Variants in BIRC6 observed in about 807,000 individuals in gnomAD.
The protein encoded by BIRC6 is baculoviral IAP repeat containing 6, also known as dual E2 ubiquitin-conjugating enzyme/E3 ubiquitin-protein ligase BIRC6.
In BIRC6, 98 loss-of-function variants were observed where a neutral mutation model predicts 503.3. That is an observed-to-expected ratio of 0.19 (90% CI 0.17 to 0.23). The LOEUF is 0.23. Among genes scored for constraint, BIRC6 ranks in the 10% least tolerant of loss-of-function variants. The probability of loss-of-function intolerance (pLI) is 1.00; values close to 1 mark genes in which losing one functional copy is unlikely to be tolerated. For synonymous variants in BIRC6, 2,240 were observed against 2,078.7 expected (o/e 1.08, Z -2.11); for missense variants, 5,360 against 5,806.0 (o/e 0.92, Z 2.50).
Position 32,380,258 on chromosome 2 carries a change from C to T in BIRC6, c.613C>T (p.His205Tyr), listed in dbSNP as rs1191022397. 1 of 1,607,728 alleles carries T rather than the reference C, an allele frequency of 6.2e-7. No homozygotes were observed. Among genetic ancestry groups the T allele is most frequent in the Admixed American group, 1.7e-5 (1 of 58,016 alleles). The change falls in exon 3 of 74, where the codon CAT becomes TAT. Residue 205 changes from histidine to tyrosine, a missense_variant. Physicochemically the swap from His to Tyr is moderately conservative, Grantham distance 83 (BLOSUM62 2). Coordinates refer to ENST00000421745, the MANE Select transcript of BIRC6 (RefSeq NM_016252.4). ...CAAAGATGGTTTAAAAAATACATCT[C>T]ATGAGACTGCAGCAAACCACAAAGT... ...QLKDGLKNTS[H>Y]ETAANHKVAK...
chr2:32,609,614 T>G (rs1022332259), intron 72 of BIRC6, among the ~76,000 whole-genome samples: 5 of 152,186 alleles, frequency 3.3e-5, no homozygotes, highest in African/African-American at 1.2e-4. Context: ...GATGAATATT[T>G]CTTTTTCTTT....
chr2:32,493,995 A>AT lies in BIRC6; in HGVS notation c.8468+332dup, dbSNP rs1163161620. Among the ~76,000 whole-genome samples the AT allele has an allele frequency of 2.0e-5, 3 of 152,290 alleles. No homozygotes were observed. The East Asian group carries it at 5.8e-4, about 29-fold the overall frequency. On this transcript the variant is annotated intron_variant, in intron 45 of 73. Coordinates refer to ENST00000421745, the MANE Select transcript of BIRC6 (RefSeq NM_016252.4). The stretch of plus-strand genomic sequence containing the variant: ...TGTTTAAACTCTAAAGCTACCAGTG[A>AT]TTTTGTATGTAAGAAAACCTGAAAA...
At position 32,415,834 on chromosome 2, in the gene BIRC6, A is replaced by C; in HGVS notation, c.2543A>C (p.His848Pro). The change falls in exon 10 of 74, where the codon CAT becomes CCT. Residue 848 changes from histidine (H) to proline (P), a missense_variant. Around this residue, in one of 16 missense-constraint regions of BIRC6, gnomAD observed 700 missense variants for 739.3 expected, o/e 0.95. Transcript: ENST00000421745. The part of the protein sequence containing the change: ...TLEEEPIKIQ[H>P]IKDPQDTITS... The stretch of plus-strand genomic sequence containing the variant: ...GAAGAGGAGCCAATAAAAATACAAC[A>C]TATCAAAGATCCCCAGGACACAATT... 1.2e-6 allele frequency: 2 copies of C among 1,613,898 alleles called. No individual in the cohort carries two copies. The highest frequency in any genetic ancestry group is 1.3e-5 in the African/African-American group (1 of 75,050).
intron 3 of BIRC6, among the ~76,000 whole-genome samples, chr2:32,385,894 C>T (rs566831064): frequency 3.3e-5 from 5 of 152,262 alleles, no homozygotes; most frequent in Admixed American, 2.0e-4. Context: ...CAAGTTGGAG[C>T]AACTTGTCTT....
At chr2:32,581,135 C>G (rs1384340094) in intron 66 of BIRC6, among the ~76,000 whole-genome samples, 1 of 152,186 alleles carries the variant, frequency 6.6e-6, no homozygotes. Context: ...CAAAAAGCAT[C>G]TTAAATCTTT....
chr2:32,499,999 A>G lies in BIRC6; in HGVS notation c.8921A>G (p.Gln2974Arg). The change falls in exon 46 of 74, where the codon CAA becomes CGA. Residue 2974 changes from glutamine (Q) to arginine (R), a missense_variant. By Grantham distance (43) the Gln-to-Arg change is conservative (BLOSUM62 1). Transcript: ENST00000421745. ...GGCAATGGAAGCAGTACCAGTGTTCAAGGATCGCCTGCATATGTTGCTGAC... is the reference window on the plus strand; with the variant it reads ...GGCAATGGAAGCAGTACCAGTGTTCGAGGATCGCCTGCATATGTTGCTGAC... ...KDGNGSSTSV[Q>R]GSPAYVADLV... The G allele has an allele frequency of 6.2e-7, 1 of 1,614,004 alleles. No homozygotes were observed. The highest frequency in any genetic ancestry group is 8.5e-7 in the Non-Finnish European group (1 of 1,179,886).
intron 55 of BIRC6, among the ~76,000 whole-genome samples, chr2:32,517,817 A>G (rs192876616): frequency 9.9e-5 from 15 of 152,270 alleles, no homozygotes; most frequent in Middle Eastern, 6.8e-3. Context: ...CCTGGGCTCA[A>G]ATGATCTCTT....
intron 1 of BIRC6, among the ~76,000 whole-genome samples, chr2:32,376,109 C>A (rs1406878842): frequency 2.0e-5 from 3 of 151,500 alleles, no homozygotes; most frequent in African/African-American, 7.3e-5. Flanking sequence ...TGGCATGAAC[C>A]CGGGAGGCAG....
At chr2:32,603,543 G>A (rs1234633399) in intron 71 of BIRC6, among the ~76,000 whole-genome samples, 5 of 152,010 alleles carry the variant, frequency 3.3e-5, no homozygotes, top group Middle Eastern at 3.4e-3. Context: ...GGTAAGACCC[G>A]CATCTCTACT....
At chr2:32,467,403 C>G in intron 26 of BIRC6, 122 bp from the exon 27 acceptor site, 2 of 775,848 alleles carry the variant, frequency 2.6e-6, no homozygotes, top group South Asian at 1.9e-5. Flanking sequence ...TTTACTTTTC[C>G]TCTTATTTAT....
rs554946179 is a variant in BIRC6, at chr2:32,409,400, C to A, written c.1477+2843C>A. Among the ~76,000 whole-genome samples the A allele has an allele frequency of 2.8e-3, 425 of 152,300 alleles. 3 individuals are homozygous for A. Among genetic ancestry groups the A allele is most frequent in the Non-Finnish European group, 4.1e-3 (282 of 68,020 alleles). ...TGAACTCCTGACCTCAAGTGATCCA[C>A]CTCCGTCAGCCTCCCAAAGTGTTGG... On this transcript the variant is annotated intron_variant, in intron 9 of 73. Transcript: ENST00000421745.
chr2:32,440,680 G>A (rs568890878), intron 16 of BIRC6, among the ~76,000 whole-genome samples: 5 of 152,022 alleles, frequency 3.3e-5, no homozygotes, highest in African/African-American at 1.2e-4. Flanking sequence ...AATACTGAAA[G>A]TGAGTGAACC....
chr2:32,470,340 T>C (rs2048980314), intron 31 of BIRC6, 39 bp downstream of exon 31: 17 of 1,459,378 alleles, frequency 1.2e-5, no homozygotes, highest in Non-Finnish European at 1.6e-5. Flanking sequence ...AAAAACAATA[T>C]TCCTGCAAAT....
chr2:32,570,417 C>G (rs1408726320), intron 65 of BIRC6, among the ~76,000 whole-genome samples: 1 of 152,140 alleles, frequency 6.6e-6, no homozygotes, highest in Non-Finnish European at 1.5e-5. Flanking sequence ...CTCCTTGCCT[C>G]AAGCAATTCA....
chr2:32,571,694 A>G (rs1376085136), intron 65 of BIRC6, among the ~76,000 whole-genome samples: 2 of 152,100 alleles, frequency 1.3e-5, no homozygotes, highest in Admixed American at 6.5e-5. Flanking sequence ...TTCGAAAACC[A>G]GCTTTTCAGT....
chr2:32,362,444 T>C (rs1042446841), intron 1 of BIRC6, among the ~76,000 whole-genome samples: 4 of 151,644 alleles, frequency 2.6e-5, no homozygotes, highest in Non-Finnish European at 5.9e-5. Context: ...GCCTCCCAAC[T>C]AGCTGGGACT....
chr2:32,441,966 T>A, intron 17 of BIRC6, 99 bp from the exon 18 acceptor site: 1 of 886,522 alleles, frequency 1.1e-6, no homozygotes. Context: ...CTTGAGATGT[T>A]CATGAATTAA....
chr2:32,523,907 C>T (rs1187313423), intron 57 of BIRC6, among the ~76,000 whole-genome samples: 1 of 152,008 alleles, frequency 6.6e-6, no homozygotes, highest in Non-Finnish European at 1.5e-5. Context: ...TACAGAAATT[C>T]ATGGCATGTG....
intron 61 of BIRC6, among the ~76,000 whole-genome samples, chr2:32,537,055 C>T (rs187349120): frequency 1.2e-4 from 18 of 152,218 alleles, no homozygotes; most frequent in Middle Eastern, 6.8e-3. Flanking sequence ...TGATTTGGCT[C>T]TCTGTTTGTC....
Sources: gnomAD v4.1 joint callset for allele counts (sites outside exome capture counted in the v4.1 genomes callset) on GRCh38, gnomAD v4.1.1 for gene constraint, gnomAD v4.1.1 regional missense constraint, MANE v1.5 for transcripts, NCBI Gene and HGNC (gene_info 2026-07-23, HGNC 2026-07-21) for gene names.